The following CADM2 variants were observed in gnomAD, a reference collection of about 807,000 sequenced individuals.
CADM2 encodes immunoglobulin superfamily member 4D.
Under a neutral mutation model 49.8 loss-of-function variants are expected in CADM2, and 12 were observed. The ratio of observed to expected loss-of-function variants is 0.24; its 90% CI spans 0.15 to 0.39. The LOEUF (loss-of-function observed/expected upper bound fraction) is 0.39, where lower values mean the gene tolerates loss of function less well. Among genes scored for constraint, CADM2 ranks in the 10% least tolerant of loss-of-function variants. The probability of loss-of-function intolerance (pLI) is 1.00; values close to 1 mark genes in which losing one functional copy is unlikely to be tolerated. For missense variants in CADM2, 378 were observed against 492.3 expected (o/e 0.77, Z 2.20); for synonymous variants, 214 against 175.4 (o/e 1.22, Z -1.74).
intron 1 of CADM2, among the ~76,000 whole-genome samples, chr3:85,705,899 C>T (rs925701562): frequency 2.0e-5 from 3 of 152,136 alleles, no homozygotes; most frequent in Non-Finnish European, 2.9e-5. Context: ...TTATCTGCAG[C>T]GAAGTCCTTC....
intron 7 of CADM2, among the ~76,000 whole-genome samples, chr3:85,948,631 A>T (rs1723028891): frequency 6.6e-6 from 1 of 151,408 alleles, no homozygotes. Flanking sequence ...TTTTTTACAC[A>T]TGATTTTACA....
chr3:85,348,579 T>C (rs181557542), intron 1 of CADM2, among the ~76,000 whole-genome samples: 1 of 152,152 alleles, frequency 6.6e-6, no homozygotes, highest in South Asian at 2.1e-4. Context: ...AGAAAAACAA[T>C]GGCATAACAA....
At chr3:85,060,871 A>C (rs1480080571) in intron 1 of CADM2, among the ~76,000 whole-genome samples, 1 of 152,190 alleles carries the variant, frequency 6.6e-6, no homozygotes, top group Non-Finnish European at 1.5e-5. Context: ...CGAGATCAAC[A>C]TATTCAAATC....
intron 8 of CADM2, among the ~76,000 whole-genome samples, chr3:86,015,402 G>A (rs1288974937): frequency 3.3e-5 from 5 of 152,150 alleles, no homozygotes; most frequent in South Asian, 2.1e-4. Flanking sequence ...TTTAGACATA[G>A]CATTTATTAT....
At chr3:85,545,606 A>G (rs1244767026) in intron 1 of CADM2, among the ~76,000 whole-genome samples, 1 of 152,174 alleles carries the variant, frequency 6.6e-6, no homozygotes, top group Non-Finnish European at 1.5e-5. Context: ...AGATTTAAAT[A>G]TCATGTTTCC....
At chr3:85,678,177 G>A (rs1056745624) in intron 1 of CADM2, among the ~76,000 whole-genome samples, 1 of 152,188 alleles carries the variant, frequency 6.6e-6, no homozygotes, top group African/African-American at 2.4e-5. Flanking sequence ...TTTCTGAGAG[G>A]TGACGACTGA....
At chr3:84,986,799 AGTTT>A (rs1437311841) in intron 1 of CADM2, among the ~76,000 whole-genome samples, 2 of 151,828 alleles carry the variant, frequency 1.3e-5, no homozygotes, top group Non-Finnish European at 2.9e-5. Flanking sequence ...TTAAGAAGTT[AGTTT>A]GACTTTGGGA....
intron 1 of CADM2, among the ~76,000 whole-genome samples, chr3:85,592,559 G>A (rs2063135214): frequency 6.6e-6 from 1 of 151,766 alleles, no homozygotes; most frequent in Admixed American, 6.6e-5. Flanking sequence ...TCATGGTTTT[G>A]GGTCAACAAT....
intron 1 of CADM2, among the ~76,000 whole-genome samples, chr3:85,620,645 G>A (rs1377910252): frequency 6.6e-6 from 1 of 151,936 alleles, no homozygotes; most frequent in East Asian, 1.9e-4. Context: ...AACACAAAAT[G>A]TTTCTAAAAT....
chr3:85,833,119 T>C (rs921905741), intron 3 of CADM2, among the ~76,000 whole-genome samples: 2 of 151,990 alleles, frequency 1.3e-5, no homozygotes, highest in Non-Finnish European at 2.9e-5. Context: ...GAATCACATT[T>C]ATTGATTTAT....
chr3:85,148,907 T>C (rs2107642244), intron 1 of CADM2, among the ~76,000 whole-genome samples: 2 of 152,204 alleles, frequency 1.3e-5, no homozygotes, highest in South Asian at 4.1e-4. Flanking sequence ...GGTCTTGCTG[T>C]CTCAGGGGTG....
At chr3:85,682,113 C>G (rs1279028431) in intron 1 of CADM2, among the ~76,000 whole-genome samples, 1 of 152,018 alleles carries the variant, frequency 6.6e-6, no homozygotes, top group Non-Finnish European at 1.5e-5. Context: ...TTACCTAAAG[C>G]TCAGCTGAAA....
chr3:85,056,426 T>C (rs2036082702), intron 1 of CADM2, among the ~76,000 whole-genome samples: 1 of 152,138 alleles, frequency 6.6e-6, no homozygotes. Flanking sequence ...TTTTCAATTA[T>C]AACATTTTAA....
At chr3:86,009,958 C>T (rs1731295690) in intron 8 of CADM2, among the ~76,000 whole-genome samples, 1 of 151,742 alleles carries the variant, frequency 6.6e-6, no homozygotes, top group Non-Finnish European at 1.5e-5. Context: ...AGGTAGTACC[C>T]TAAATGACGC....
chr3:85,717,716 G>A (rs184223346), intron 1 of CADM2, among the ~76,000 whole-genome samples: 70 of 151,854 alleles, frequency 4.6e-4, no homozygotes, highest in African/African-American at 1.4e-3. Context: ...GAATTATATC[G>A]AAGGGCTTTT....
intron 1 of CADM2, among the ~76,000 whole-genome samples, chr3:85,622,721 C>T (rs2064011427): frequency 1.3e-5 from 2 of 152,070 alleles, no homozygotes; most frequent in African/African-American, 2.4e-5. Context: ...CAGAATATCC[C>T]AGCCCCGCTA....
chr3:85,225,503 C>T (rs2042138123), intron 1 of CADM2, among the ~76,000 whole-genome samples: 1 of 152,118 alleles, frequency 6.6e-6, no homozygotes, highest in African/African-American at 2.4e-5. Flanking sequence ...GATTTTTGGG[C>T]TGGGATGATG....
chr3:85,731,495 T>G (rs966632751), intron 2 of CADM2, among the ~76,000 whole-genome samples: 1 of 152,152 alleles, frequency 6.6e-6, no homozygotes, highest in Admixed American at 6.6e-5. Flanking sequence ...CTTAGTAAAT[T>G]GTACCTATTA....
chr3:85,279,056 A>G (rs892748333), intron 1 of CADM2, among the ~76,000 whole-genome samples: 1 of 151,482 alleles, frequency 6.6e-6, no homozygotes, highest in African/African-American at 2.4e-5. Flanking sequence ...AGAGATGCAT[A>G]TACTGATTAG....
Sources: gnomAD v4.1 joint callset for allele counts (sites outside exome capture counted in the v4.1 genomes callset) on GRCh38, gnomAD v4.1.1 for gene constraint, MANE v1.5 for transcripts, NCBI Gene and HGNC (gene_info 2026-07-23, HGNC 2026-07-21) for gene names.